Variants in KCNN1 observed in about 807,000 individuals in gnomAD.
KCNN1 encodes small conductance calcium-activated potassium channel protein 1.
In KCNN1, 20 loss-of-function variants were observed where a neutral mutation model predicts 44.7. The observed-to-expected ratio is 0.45, with a 90% CI of 0.32 to 0.65. KCNN1 has a LOEUF of 0.65. Among genes scored for constraint, KCNN1 ranks in the 30% least tolerant of loss-of-function variants. The pLI is 0.05. For synonymous variants in KCNN1, 324 were observed against 341.7 expected (o/e 0.95, Z 0.57); for missense variants, 632 against 785.3 (o/e 0.80, Z 2.33).
intron 5 of KCNN1, among the ~76,000 whole-genome samples, chr19:17,986,914 C>T (rs2032618429): frequency 6.6e-6 from 1 of 152,214 alleles, no homozygotes; most frequent in Non-Finnish European, 1.5e-5. Flanking sequence ...TCAAGCCATT[C>T]TCCTGCCTCA....
intron 3 of KCNN1, 117 bp downstream of exon 3, chr19:17,975,304 A>C (rs2032170409): frequency 1.5e-6 from 1 of 677,002 alleles, no homozygotes; most frequent in Non-Finnish European, 2.5e-6. Flanking sequence ...TTGGCTTCTG[A>C]TAGAAAAAAG....
At position 17,992,249 on chromosome 19, in the gene KCNN1, G is replaced by A. The variant is rs143158915; in HGVS notation, c.1299-805G>A. 2.6e-5 allele frequency among the ~76,000 whole-genome samples: 4 copies of A among 152,228 alleles called. No homozygotes were observed. In the East Asian group the frequency reaches 7.7e-4, roughly 29 times the overall value. The stretch of plus-strand genomic sequence containing the variant: ...GAGGCAGGAGAATCACGTGAACCTG[G>A]GAAGCTGAAGTTGCAATGAGCCAAG... On this transcript the variant is annotated intron_variant, in intron 7 of 9. Transcript: ENST00000684775.
chr19:17,966,208 T>A (rs1487566895), upstream of KCNN1, among the ~76,000 whole-genome samples: 1 of 151,982 alleles, frequency 6.6e-6, no homozygotes, highest in African/African-American at 2.4e-5. Context: ...ATGGAGGGTG[T>A]GGGAGAGAGA....
At chr19:17,973,172 T>A in intron 1 of KCNN1, among the ~76,000 whole-genome samples, 1 of 152,240 alleles carries the variant, frequency 6.6e-6, no homozygotes, top group East Asian at 1.9e-4. Flanking sequence ...TCTAGTTATG[T>A]TGTCCAGGCT....
intron 2 of KCNN1, among the ~76,000 whole-genome samples, chr19:17,961,582 C>CT (rs756599442): frequency 0.14 from 14,346 of 100,168 alleles, 917 homozygotes; most frequent in South Asian, 0.18. Flanking sequence ...TTCTTTCTTT[C>CT]TTTCTTTTTT....
intron 3 of KCNN1, among the ~76,000 whole-genome samples, chr19:17,977,899 G>A (rs2032258640): frequency 1.3e-5 from 2 of 152,086 alleles, no homozygotes; most frequent in South Asian, 4.1e-4. Context: ...CAAATTGCAT[G>A]CTTCCATTTA....
Position 17,993,446 on chromosome 19 carries a change from C to A in KCNN1, c.1308-44C>A. On this transcript the variant is annotated intron_variant, in intron 8 of 9. Coordinates refer to ENST00000684775, the MANE Select transcript of KCNN1 (RefSeq NM_001386974.1). The surrounding 1 kb of genome is among the most constrained non-coding windows in gnomAD (Gnocchi z 4.5). Reference sequence around the variant, plus strand: ...GTCCCTGCCCCCACTGCAGCCTCCACGGGAACCTGCCTAACCCCCTCCCCC... The same window carrying A: ...GTCCCTGCCCCCACTGCAGCCTCCAAGGGAACCTGCCTAACCCCCTCCCCC... 1 of 1,486,344 alleles carries A rather than the reference C, an allele frequency of 6.7e-7. No individual in the cohort carries two copies. The highest frequency in any genetic ancestry group is 9.3e-7 in the Non-Finnish European group (1 of 1,070,534). 92.1% of individuals were successfully genotyped at this position (1,486,344 alleles called of 1,614,324 possible). A position where few individuals can be genotyped will look rare whatever the true frequency, so the allele number is the denominator to read the frequency against.
intron 3 of KCNN1, among the ~76,000 whole-genome samples, chr19:17,976,418 A>C (rs1364157646): frequency 6.6e-6 from 1 of 151,840 alleles, no homozygotes; most frequent in East Asian, 1.9e-4. Context: ...ACAATTATTC[A>C]ACCTTTTTTT....
intron 9 of KCNN1, among the ~76,000 whole-genome samples, chr19:17,996,442 C>A (rs1300657451): frequency 6.6e-6 from 1 of 152,004 alleles, no homozygotes; most frequent in East Asian, 1.9e-4. Context: ...TTTGTCTCCA[C>A]TAAAAATACA....
At position 17,974,525 on chromosome 19, in the gene KCNN1, C is replaced by T. The variant is rs1287780723; in HGVS notation, c.402+235C>T. Among the ~76,000 whole-genome samples the T allele has an allele frequency of 1.3e-5, 2 of 152,146 alleles. No individual in the cohort carries two copies. Among genetic ancestry groups the T allele is most frequent in the Non-Finnish European group, 2.9e-5 (2 of 68,008 alleles). ...CCTGGCCAGGTGTCAAGGGGCTGCACCCTGGCTTAAGGCGGAGGGGGGCTT... is the reference window on the plus strand; with the variant it reads ...CCTGGCCAGGTGTCAAGGGGCTGCATCCTGGCTTAAGGCGGAGGGGGGCTT... On this transcript the variant is annotated intron_variant, in intron 2 of 9. Coordinates refer to ENST00000684775, the MANE Select transcript of KCNN1 (RefSeq NM_001386974.1). This position sits in a 1 kb window ranked among gnomAD's most constrained non-coding sequence, Gnocchi z 7.3.
intron 5 of KCNN1, among the ~76,000 whole-genome samples, chr19:17,985,680 C>A (rs140472076): frequency 1.3e-5 from 2 of 152,316 alleles, no homozygotes; most frequent in African/African-American, 4.8e-5. Flanking sequence ...GCGGTCCTTC[C>A]AGGCCTAGAT....
chr19:17,995,509 C>T (rs1402554451), intron 9 of KCNN1, among the ~76,000 whole-genome samples: 2 of 151,774 alleles, frequency 1.3e-5, no homozygotes, highest in Non-Finnish European at 2.9e-5. Context: ...ATTCTAGACC[C>T]CTGAAGATAT....
At chr19:17,976,961 C>T (rs942400164) in intron 3 of KCNN1, among the ~76,000 whole-genome samples, 1 of 152,126 alleles carries the variant, frequency 6.6e-6, no homozygotes, top group African/African-American at 2.4e-5. Context: ...GGGTGATCCT[C>T]CCACCTTGGC....
intron 7 of KCNN1, among the ~76,000 whole-genome samples, chr19:17,990,487 A>T: frequency 6.7e-6 from 1 of 150,170 alleles, no homozygotes; most frequent in Non-Finnish European, 1.5e-5. Context: ...GTCTCAAAAA[A>T]AAAAAAAGAA....
At chr19:17,976,731 T>C (rs1470204745) in intron 3 of KCNN1, among the ~76,000 whole-genome samples, 2 of 150,096 alleles carry the variant, frequency 1.3e-5, no homozygotes, top group Non-Finnish European at 3.0e-5. Context: ...CCTTTTTTTT[T>C]TTGAGATGGA....
rs1030512947 is a variant in KCNN1 at position 17,952,356 on chromosome 19, G to T, written c.-203+947G>T. 2.0e-5 allele frequency: 3 copies of T among 152,512 alleles called. No individual in the cohort carries two copies. The East Asian group carries it at 5.8e-4, about 29-fold the overall frequency. The allele number at this position is 152,512 out of a possible 1,614,324, so 9.4% of individuals were successfully genotyped here. On this transcript the variant is annotated intron_variant, in intron 1 of 10. Transcript: ENST00000222249. ...TCCGGCCGGTGAGTGGCAGTGGGGG[G>T]CACGGCGGGGAGCGTTCGGTCCCGG...
intron 1 of KCNN1, among the ~76,000 whole-genome samples, chr19:17,969,124 T>C (rs2031922043): frequency 6.6e-6 from 1 of 151,934 alleles, no homozygotes; most frequent in African/African-American, 2.4e-5. Flanking sequence ...GACTCCAGTG[T>C]TAGGCCCAGA....
chr19:17,956,623 G>A (rs1288815546), intron 2 of KCNN1, among the ~76,000 whole-genome samples: 1 of 151,736 alleles, frequency 6.6e-6, no homozygotes, highest in African/African-American at 2.4e-5. Context: ...GTGCATGTGT[G>A]TGGTCCCAGC....
At position 17,973,839 on chromosome 19, in the gene KCNN1, C is replaced by A; in HGVS notation, c.-50C>A. On this transcript the variant is annotated 5_prime_UTR_variant, in exon 2 of 10. Coordinates refer to ENST00000684775, the MANE Select transcript of KCNN1 (RefSeq NM_001386974.1). ...GCAGGAGCCCAGCCGCTGAGCCATG[C>A]CGGGCCCCGGGCGGCCTGCAGCGAG... is the stretch of plus-strand genomic sequence containing the variant. 6.5e-7 allele frequency: 1 copy of A among 1,537,168 alleles called. No individual in the cohort carries two copies. Among genetic ancestry groups the A allele is most frequent in the Non-Finnish European group, 8.7e-7 (1 of 1,144,718 alleles).
Sources: gnomAD v4.1 joint callset for allele counts (sites outside exome capture counted in the v4.1 genomes callset) on GRCh38, gnomAD v4.1.1 for gene constraint, Gnocchi (gnomAD v3.1) non-coding constraint, MANE v1.5 for transcripts, NCBI Gene and HGNC (gene_info 2026-07-23, HGNC 2026-07-21) for gene names.